Variants in CFAP99 observed in about 807,000 individuals in gnomAD.
CFAP99 encodes cilia- and flagella-associated protein 99.
Under a neutral mutation model 82.7 loss-of-function variants are expected in CFAP99, and 84 were observed. That is an observed-to-expected ratio of 1.02 (90% CI 0.85 to 1.22). The LOEUF (loss-of-function observed/expected upper bound fraction) is 1.22, where lower values mean the gene tolerates loss of function less well. Ranked by LOEUF, CFAP99 falls within the 50% of genes most tolerant of loss-of-function variation. The probability of loss-of-function intolerance (pLI) is 0.00; values close to 1 mark genes in which losing one functional copy is unlikely to be tolerated. For synonymous variants in CFAP99, 456 were observed against 429.5 expected, an observed-to-expected ratio of 1.06 and a Z score of -0.76; for missense variants, 1,059 against 983.5, an observed-to-expected ratio of 1.08 and a Z score of -1.03.
intron 11 of CFAP99, among the ~76,000 whole-genome samples, chr4:2,456,798 C>T (rs183319398): frequency 2.1e-3 from 325 of 152,246 alleles, no homozygotes; most frequent in Middle Eastern, 3.4e-3. Flanking sequence ...GGATTACAGG[C>T]ATGAGCCACC....
intron 11 of CFAP99, among the ~76,000 whole-genome samples, chr4:2,455,263 T>C (rs902071635): frequency 5.9e-5 from 9 of 152,278 alleles, no homozygotes; most frequent in African/African-American, 1.7e-4. Context: ...TTGCTTTTTT[T>C]CCAGTTTGTC....
At chr4:2,440,809 T>C (rs1734020120) in intron 4 of CFAP99, among the ~76,000 whole-genome samples, 1 of 151,786 alleles carries the variant, frequency 6.6e-6, no homozygotes, top group Admixed American at 6.6e-5. Context: ...TTAGCCAGGA[T>C]GGTCTCGATC....
In CFAP99 at chr4:2,451,019, G is replaced by A. The variant is rs1234313969; in HGVS notation, c.867+1G>A. ...GACTCCGAAGCTGACCTTCTATAGG[G>A]TGAGGGGTGCTCCTGGATGGTCAGG... On this transcript the variant is annotated splice_donor_variant, in intron 9 of 14. Transcript: ENST00000635017. LOFTEE classifies it high-confidence loss of function. 3 of 1,535,858 alleles carry A rather than the reference G, an allele frequency of 2.0e-6. No homozygotes were observed. Among genetic ancestry groups the A allele is most frequent in the Admixed American group, 3.9e-5 (2 of 50,984 alleles).
In CFAP99 at chr4:2,462,365, C is replaced by G; in HGVS notation, c.1662-78C>G. The G allele has an allele frequency of 7.5e-7, 1 of 1,326,136 alleles. No individual in the cohort carries two copies. The allele number at this position is 1,326,136 out of a possible 1,614,324, so 82.1% of individuals were successfully genotyped here. ...TGCGTAGCTCCTTGCCCCCGCGTCG[C>G]TTGGACACGGGTGGCATCCTGGGTC... On this transcript the variant is annotated intron_variant, in intron 14 of 14. Transcript: ENST00000635017. The surrounding 1 kb of genome is among the most constrained non-coding windows in gnomAD (Gnocchi z 4.1).
At position 2,462,662 on chromosome 4, in the gene CFAP99, A is replaced by T; in HGVS notation, c.1881A>T (p.Gly627=). 7.9e-7 allele frequency: 1 copy of T among 1,270,556 alleles called. No individual in the cohort carries two copies. The highest frequency in any genetic ancestry group is 9.9e-7 in the Non-Finnish European group (1 of 1,010,658). 78.7% of individuals were successfully genotyped at this position (1,270,556 alleles called of 1,614,324 possible). A position where few individuals can be genotyped will look rare whatever the true frequency, so the allele number is the denominator to read the frequency against. The change falls in exon 15 of 15, where the codon GGA becomes GGT. Residue 627 remains glycine, a synonymous_variant. Coordinates refer to ENST00000635017, the Ensembl canonical transcript of CFAP99. This position sits in a 1 kb window ranked among gnomAD's most constrained non-coding sequence, Gnocchi z 4.1. The stretch of plus-strand genomic sequence containing the variant: ...GACTGAAAGCCGGGGCCGGGTGGGG[A>T]TGGCGGGCGCGGCGCGCAGGGACCG...
intron 2 of CFAP99, chr4:2,428,513 T>A (rs929721062): frequency 1.3e-5 from 2 of 151,492 alleles, no homozygotes; most frequent in Non-Finnish European, 2.9e-5. Context: ...CTCACACCCC[T>A]CCCTGCGGAC....
Position 2,445,254 on chromosome 4 carries a change from GC to G in CFAP99, c.592del (p.Arg198AlafsTer48). ...AGGAATTCAACCTGACTGCCCCCAGGCCCCGCACCATTCCAGCGCCCGAACC... is the reference window on the plus strand; with the variant it reads ...AGGAATTCAACCTGACTGCCCCCAGGCCCGCACCATTCCAGCGCCCGAACC... On this transcript the variant is annotated frameshift_variant, in exon 6 of 15. Transcript: ENST00000635017. LOFTEE classifies it high-confidence loss of function. 1 of 1,420,034 alleles carries G rather than the reference GC, an allele frequency of 7.0e-7. No homozygotes were observed. The highest frequency in any genetic ancestry group is 1.5e-5 in the South Asian group (1 of 65,414). The allele number at this position is 1,420,034 out of a possible 1,614,324, so 88.0% of individuals were successfully genotyped here.
intron 2 of CFAP99, among the ~76,000 whole-genome samples, chr4:2,429,754 G>A (rs11736798): frequency 2.9e-4 from 44 of 152,148 alleles, no homozygotes; most frequent in Non-Finnish European, 5.9e-4. Flanking sequence ...ACCACGCCCA[G>A]CTAATTTTTT....
chr4:2,462,645 G>T lies in CFAP99; in HGVS notation c.1864G>T (p.Ala622Ser). 1 of 1,290,596 alleles carries T rather than the reference G, an allele frequency of 7.7e-7. No individual in the cohort carries two copies. Among genetic ancestry groups the T allele is most frequent in the Non-Finnish European group, 9.8e-7 (1 of 1,022,152 alleles). The allele number at this position is 1,290,596 out of a possible 1,614,324, so 79.9% of individuals were successfully genotyped here. A position where few individuals can be genotyped will look rare whatever the true frequency, so the allele number is the denominator to read the frequency against. ...GTGGGAGGAGCCCGGGCGACTGAAAGCCGGGGCCGGGTGGGGATGGCGGGC... is the reference window on the plus strand; with the variant it reads ...GTGGGAGGAGCCCGGGCGACTGAAATCCGGGGCCGGGTGGGGATGGCGGGC... Residue 622 changes from alanine (A) to serine (S), a missense_variant, in exon 15 of 15, where the codon GCC (alanine) becomes TCC (serine). Ala to Ser is a moderately conservative substitution (Grantham distance 99). Coordinates refer to ENST00000635017, the Ensembl canonical transcript of CFAP99. This position sits in a 1 kb window ranked among gnomAD's most constrained non-coding sequence, Gnocchi z 4.1.
intron 4 of CFAP99, among the ~76,000 whole-genome samples, chr4:2,441,840 G>A (rs1210686176): frequency 6.6e-6 from 1 of 152,192 alleles, no homozygotes; most frequent in Non-Finnish European, 1.5e-5. Flanking sequence ...GAAGCCCCTG[G>A]GCCACACCTT....
At chr4:2,456,072 C>G (rs1329708698) in intron 11 of CFAP99, among the ~76,000 whole-genome samples, 1 of 152,120 alleles carries the variant, frequency 6.6e-6, no homozygotes, top group Non-Finnish European at 1.5e-5. Flanking sequence ...CCTGAATGTT[C>G]TCTGCTTAAG....
chr4:2,447,116 T>C (rs1734182776), intron 6 of CFAP99, among the ~76,000 whole-genome samples: 1 of 144,136 alleles, frequency 6.9e-6, no homozygotes, highest in Admixed American at 6.9e-5. Flanking sequence ...GGATGATAGA[T>C]GGTGAATGGA....
At chr4:2,439,351 C>G (rs1197757725) in intron 4 of CFAP99, among the ~76,000 whole-genome samples, 1 of 152,188 alleles carries the variant, frequency 6.6e-6, no homozygotes, top group Non-Finnish European at 1.5e-5. Flanking sequence ...CAGTTTCCAG[C>G]CAAGGAGAGC....
At chr4:2,436,635 C>T (rs892575605) in intron 2 of CFAP99, among the ~76,000 whole-genome samples, 7 of 134,412 alleles carry the variant, frequency 5.2e-5, no homozygotes, top group East Asian at 2.7e-4. Context: ...ATTCCTTGCA[C>T]TGCCTCATCA....
chr4:2,462,475 CG>C lies in CFAP99; in HGVS notation c.1696del (p.Ala566ArgfsTer44). Reference sequence around the variant, plus strand: ...GAAAAGAAGGCCCTTGCGGCGGCCCCGGCGGCGCCCTCGCAGGACGAGCGCG... The same window carrying C: ...GAAAAGAAGGCCCTTGCGGCGGCCCCGCGGCGCCCTCGCAGGACGAGCGCG... On this transcript the variant is annotated frameshift_variant, in exon 15 of 15. Transcript: ENST00000635017. LOFTEE classifies it low-confidence loss of function (END_TRUNC). The surrounding 1 kb of genome is among the most constrained non-coding windows in gnomAD (Gnocchi z 4.1). The C allele has an allele frequency of 6.8e-7, 1 of 1,470,226 alleles. No homozygotes were observed. The highest frequency in any genetic ancestry group is 8.9e-7 in the Non-Finnish European group (1 of 1,120,766). The allele number at this position is 1,470,226 out of a possible 1,614,324, so 91.1% of individuals were successfully genotyped here.
At chr4:2,428,335 T>C (rs1045867069) in intron 2 of CFAP99, 1 of 152,546 alleles carries the variant, frequency 6.6e-6, no homozygotes, top group Non-Finnish European at 1.5e-5. Flanking sequence ...GTCCCCCTCA[T>C]TTCCCTCAGG....
intron 11 of CFAP99, among the ~76,000 whole-genome samples, chr4:2,454,601 T>G (rs1462832300): frequency 2.0e-5 from 3 of 150,816 alleles, no homozygotes; most frequent in East Asian, 1.9e-4. Context: ...TTTGTTTTTT[T>G]TTTTTTTTGG....
intron 11 of CFAP99, among the ~76,000 whole-genome samples, chr4:2,455,383 C>G (rs1381502722): frequency 6.6e-6 from 1 of 152,154 alleles, no homozygotes; most frequent in African/African-American, 2.4e-5. Context: ...TTAGAAAATG[C>G]CACTCTTGGC....
chr4:2,432,679 T>C (rs1284275319), intron 2 of CFAP99, among the ~76,000 whole-genome samples: 1 of 152,190 alleles, frequency 6.6e-6, no homozygotes, highest in African/African-American at 2.4e-5. Flanking sequence ...CAGCAGTCTC[T>C]AGCGATTGTG....
Sources: allele counts gnomAD v4.1 joint callset (sites outside exome capture counted in the v4.1 genomes callset), GRCh38; gene constraint gnomAD v4.1.1; non-coding constraint Gnocchi (gnomAD v3.1); transcripts MANE v1.5; gene names NCBI Gene and HGNC (gene_info 2026-07-23, HGNC 2026-07-21).